NCOA3: variants seen among roughly 807,000 people sequenced by gnomAD.
The protein encoded by NCOA3 is CBP-interacting protein.
In NCOA3, 51 loss-of-function variants were observed where a neutral mutation model predicts 158.8. The observed-to-expected ratio is 0.32, with a 90% CI of 0.26 to 0.41. The LOEUF (loss-of-function observed/expected upper bound fraction) is 0.41, where lower values mean the gene tolerates loss of function less well. Ranked by LOEUF, NCOA3 falls within the 10% of genes least tolerant of loss-of-function variation. The probability of loss-of-function intolerance (pLI) is 1.00; values close to 1 mark genes in which losing one functional copy is unlikely to be tolerated. For missense variants in NCOA3, 1,510 were observed against 1,746.6 expected (o/e 0.86, Z 2.41); for synonymous variants, 537 against 592.4 (o/e 0.91, Z 1.36).
Position 47,623,926 on chromosome 20 carries a change from T to G in NCOA3, c.99T>G (p.Gly33=), listed in dbSNP as rs758257414. ...TTTCCCTTAGTCTTACCTGCAGTGG[T>G]GAAAAACGGAGACGGGAGCAGGAAA... ...DTPGQGLTCS[G]EKRRREQESK... The change falls in exon 4 of 23, where the codon GGT becomes GGG. Residue 33 remains glycine, a synonymous_variant. Coordinates refer to ENST00000371998, the MANE Select transcript of NCOA3 (RefSeq NM_181659.3). The G allele has an allele frequency of 3.1e-6, 5 of 1,613,108 alleles. No individual in the cohort carries two copies. Among genetic ancestry groups the G allele is most frequent in the Non-Finnish European group, 4.2e-6 (5 of 1,179,828 alleles).
In NCOA3 at chr20:47,652,412, G is replaced by T; in HGVS notation, c.3953G>T (p.Gly1318Val). Residue 1318 changes from glycine (G) to valine (V), a missense_variant, in exon 21 of 23, where the codon GGA (glycine) becomes GTA (valine). Physicochemically the swap from Gly to Val is moderately radical, Grantham distance 109. Transcript: ENST00000371998. ...TCTGTTTTATTTTTGTAAGGAATGG[G>T]ACAACAACCAGATCCAGCCTTTGGT... Reference protein sequence around the residue: ...QFPYQPNYGMGQQPDPAFGRV... With the variant: ...QFPYQPNYGMVQQPDPAFGRV... 1 of 1,596,942 alleles carries T rather than the reference G, an allele frequency of 6.3e-7. No homozygotes were observed. The highest frequency in any genetic ancestry group is 8.6e-7 in the Non-Finnish European group (1 of 1,165,536).
intron 13 of NCOA3, among the ~76,000 whole-genome samples, 166 bp from the exon 14 acceptor site, chr20:47,638,842 C>T (rs1358994372): frequency 2.6e-5 from 2 of 76,494 alleles, no homozygotes; most frequent in South Asian, 9.4e-4. Flanking sequence ...CGGGGGGTGG[C>T]GGTGGTGGGT....
At chr20:47,592,997 G>C (rs146991332) in intron 2 of NCOA3, among the ~76,000 whole-genome samples, 1 of 152,200 alleles carries the variant, frequency 6.6e-6, no homozygotes, top group Non-Finnish European at 1.5e-5. Context: ...GCAGTAGTGT[G>C]ATCTCCTCTC....
chr20:47,533,247 TG>T (rs2084576217), intron 1 of NCOA3, among the ~76,000 whole-genome samples: 1 of 136,454 alleles, frequency 7.3e-6, no homozygotes, highest in Non-Finnish European at 1.5e-5. Flanking sequence ...AACACACCAC[TG>T]CATTCCAGTC....
chr20:47,539,895 A>C (rs989133083), intron 1 of NCOA3, among the ~76,000 whole-genome samples: 4 of 152,246 alleles, frequency 2.6e-5, no homozygotes, highest in Admixed American at 6.5e-5. Context: ...CAATAACATG[A>C]CATATTCTGA....
rs1482916538 is a variant in NCOA3 at position 47,656,721 on chromosome 20, C to CAA, written c.*3305_*3306dup. The CAA allele has an allele frequency of 6.6e-6, 1 of 152,490 alleles. No individual in the cohort carries two copies. Among genetic ancestry groups the CAA allele is most frequent in the Non-Finnish European group, 1.5e-5 (1 of 68,022 alleles). 9.4% of individuals were successfully genotyped at this position (152,490 alleles called of 1,614,324 possible). A position where few individuals can be genotyped will look rare whatever the true frequency, so the allele number is the denominator to read the frequency against. ...TCTTGAGAATGAATTCAGTTTCAAT[C>CAA]AAGTTTACATTATGTTGCTTAAAAA... On this transcript the variant is annotated 3_prime_UTR_variant, in exon 23 of 23. Transcript: ENST00000371998.
At chr20:47,518,369 G>GA (rs201067691) in intron 1 of NCOA3, among the ~76,000 whole-genome samples, 17 of 141,690 alleles carry the variant, frequency 1.2e-4, no homozygotes, top group African/African-American at 3.6e-4. Flanking sequence ...TAAATTGGGG[G>GA]AAAAAAAAAG....
rs1414259187 is a variant in NCOA3, at chr20:47,654,854, G to A, written c.*1437G>A. 2 of 147,120 alleles carry A rather than the reference G, an allele frequency of 1.4e-5. No homozygotes were observed. Among genetic ancestry groups the A allele is most frequent in the African/African-American group, 2.6e-5 (1 of 38,054 alleles). The allele number at this position is 147,120 out of a possible 1,614,324, so 9.1% of individuals were successfully genotyped here. On this transcript the variant is annotated 3_prime_UTR_variant, in exon 23 of 23. Coordinates refer to ENST00000371998, the MANE Select transcript of NCOA3 (RefSeq NM_181659.3). Reference sequence around the variant, plus strand: ...AATAATAGCAATTCATGGGCTGTGTGTGTGTGTGTATGTGTGTGTGTGTGT... The same window carrying A: ...AATAATAGCAATTCATGGGCTGTGTATGTGTGTGTATGTGTGTGTGTGTGT...
intron 8 of NCOA3, among the ~76,000 whole-genome samples, chr20:47,632,751 C>T (rs1244930293): frequency 2.0e-5 from 3 of 150,732 alleles, no homozygotes; most frequent in East Asian, 2.0e-4. Flanking sequence ...GGCATGATCT[C>T]GGCTCACTGC....
intron 1 of NCOA3, among the ~76,000 whole-genome samples, chr20:47,581,282 C>A (rs879766279): frequency 6.6e-6 from 1 of 152,170 alleles, no homozygotes; most frequent in Non-Finnish European, 1.5e-5. Flanking sequence ...GAAAAAAATT[C>A]GAGACACTTA....
intron 2 of NCOA3, among the ~76,000 whole-genome samples, chr20:47,606,976 TA>T (rs1335081503): frequency 6.6e-6 from 1 of 152,166 alleles, no homozygotes; most frequent in African/African-American, 2.4e-5. Context: ...GAATGTGGGT[TA>T]AAAAAATTGT....
At chr20:47,533,978 T>C (rs965579295) in intron 1 of NCOA3, among the ~76,000 whole-genome samples, 1 of 151,966 alleles carries the variant, frequency 6.6e-6, no homozygotes, top group Non-Finnish European at 1.5e-5. Flanking sequence ...GGATGACCTA[T>C]TAGAAGGCTG....
intron 2 of NCOA3, among the ~76,000 whole-genome samples, chr20:47,614,862 G>C (rs2086107320): frequency 6.6e-6 from 1 of 152,156 alleles, no homozygotes; most frequent in African/African-American, 2.4e-5. Flanking sequence ...CCTTGCCTCT[G>C]TCCCTAATAC....
chr20:47,615,689 T>A (rs550954019), intron 2 of NCOA3, among the ~76,000 whole-genome samples: 22 of 152,330 alleles, frequency 1.4e-4, no homozygotes, highest in Non-Finnish European at 2.6e-4. Context: ...ATAGCTTGAA[T>A]GTTACGTATA....
intron 1 of NCOA3, among the ~76,000 whole-genome samples, chr20:47,527,105 G>A (rs920133484): frequency 1.3e-5 from 2 of 152,146 alleles, no homozygotes; most frequent in African/African-American, 4.8e-5. Context: ...AGTTTGCTTA[G>A]GATTGTATAT....
intron 1 of NCOA3, among the ~76,000 whole-genome samples, chr20:47,547,744 G>A (rs6018541): frequency 1.3e-5 from 2 of 148,732 alleles, no homozygotes; most frequent in African/African-American, 5.0e-5. Context: ...GAGATGGAGT[G>A]TCGCTCTGTC....
intron 1 of NCOA3, among the ~76,000 whole-genome samples, chr20:47,513,571 C>T (rs1052748679): frequency 6.6e-6 from 1 of 151,756 alleles, no homozygotes. Flanking sequence ...ACTAAAAATA[C>T]AAAAATTAGC....
intron 1 of NCOA3, among the ~76,000 whole-genome samples, chr20:47,556,247 T>C (rs2085005516): frequency 6.6e-6 from 1 of 152,198 alleles, no homozygotes; most frequent in Admixed American, 6.5e-5. Flanking sequence ...TTAAAGTTAT[T>C]TTGTATTCCA....
intron 1 of NCOA3, among the ~76,000 whole-genome samples, chr20:47,528,797 G>C (rs930480713): frequency 6.6e-6 from 1 of 152,084 alleles, no homozygotes; most frequent in Non-Finnish European, 1.5e-5. Context: ...TTTTGAAACG[G>C]AGTTTCGCTT....
Sources: allele counts gnomAD v4.1 joint callset (sites outside exome capture counted in the v4.1 genomes callset), GRCh38; gene constraint gnomAD v4.1.1; transcripts MANE v1.5; gene names NCBI Gene and HGNC (gene_info 2026-07-23, HGNC 2026-07-21).